The following ERC2 variants were observed in gnomAD, a reference collection of about 807,000 sequenced individuals.
The protein encoded by ERC2 is ELKS/RAB6-interacting/CAST family member 2, also known as ERC protein 2.
Under a neutral mutation model 114.8 loss-of-function variants are expected in ERC2, and 42 were observed. That is an observed-to-expected ratio of 0.37 (90% CI 0.29 to 0.47). The LOEUF (loss-of-function observed/expected upper bound fraction) is 0.47. Among genes scored for constraint, ERC2 ranks in the 20% least tolerant of loss-of-function variants. The pLI, the probability that ERC2 is intolerant of heterozygous loss-of-function variation, is 0.99. For missense variants in ERC2, 939 were observed against 1,150.7 expected, an observed-to-expected ratio of 0.82 and a Z score of 2.66; for synonymous variants, 454 against 425.5, an observed-to-expected ratio of 1.07 and a Z score of -0.82.
intron 16 of ERC2, among the ~76,000 whole-genome samples, chr3:55,694,738 C>A (rs908396995): frequency 6.6e-6 from 1 of 152,236 alleles, no homozygotes; most frequent in East Asian, 1.9e-4. Flanking sequence ...AGAATCAGAG[C>A]GGCAAGTGCT....
intron 17 of ERC2, among the ~76,000 whole-genome samples, chr3:55,600,702 T>G (rs2058359949): frequency 6.6e-6 from 1 of 152,222 alleles, no homozygotes; most frequent in Non-Finnish European, 1.5e-5. Flanking sequence ...AGAAGAGTGC[T>G]GTTGGGGGCA....
chr3:56,381,155 G>A (rs2059734814), intron 2 of ERC2, among the ~76,000 whole-genome samples: 1 of 152,170 alleles, frequency 6.6e-6, no homozygotes, highest in Non-Finnish European at 1.5e-5. Context: ...TATTGGTCAT[G>A]AGGAAGTCTA....
chr3:56,198,677 G>A (rs1040257041), intron 3 of ERC2, among the ~76,000 whole-genome samples: 1 of 152,204 alleles, frequency 6.6e-6, no homozygotes, highest in Admixed American at 6.5e-5. Context: ...TCCAATTTTT[G>A]TACAAGTTGT....
chr3:55,662,554 C>T (rs1340509788), intron 17 of ERC2, among the ~76,000 whole-genome samples: 1 of 152,166 alleles, frequency 6.6e-6, no homozygotes, highest in African/African-American at 2.4e-5. Context: ...GACATATCTA[C>T]CAATTAATTG....
chr3:55,807,878 T>G (rs1269174127), intron 14 of ERC2, among the ~76,000 whole-genome samples: 4 of 152,166 alleles, frequency 2.6e-5, no homozygotes, highest in Non-Finnish European at 4.4e-5. Context: ...CCAATAATTA[T>G]GTACATATAA....
intron 17 of ERC2, among the ~76,000 whole-genome samples, chr3:55,587,938 G>C (rs547727774): frequency 1.3e-5 from 2 of 152,182 alleles, no homozygotes; most frequent in Non-Finnish European, 2.9e-5. Context: ...GGATGGTAAT[G>C]GTAACCAGCT....
chr3:55,970,897 T>C (rs2069108922), intron 12 of ERC2, among the ~76,000 whole-genome samples: 1 of 152,098 alleles, frequency 6.6e-6, no homozygotes, highest in Non-Finnish European at 1.5e-5. Context: ...TGAATGTCCA[T>C]AGCAATATTT....
At chr3:55,699,048 G>A (rs1047347996) in intron 16 of ERC2, among the ~76,000 whole-genome samples, 2 of 152,126 alleles carry the variant, frequency 1.3e-5, no homozygotes, top group Non-Finnish European at 2.9e-5. Flanking sequence ...TGGAAACAAA[G>A]TGCTTTCTCT....
At chr3:56,431,425 G>T (rs1576930805) in intron 2 of ERC2, among the ~76,000 whole-genome samples, 1 of 152,260 alleles carries the variant, frequency 6.6e-6, no homozygotes, top group African/African-American at 2.4e-5. Context: ...CCCTGCTGTG[G>T]CAACGTTTGA....
intron 17 of ERC2, among the ~76,000 whole-genome samples, chr3:55,638,443 G>A (rs554863702): frequency 1.1e-4 from 16 of 152,334 alleles, no homozygotes; most frequent in Admixed American, 1.3e-4. Flanking sequence ...AGCAGTCATC[G>A]TTGTGCATAG....
chr3:55,749,733 C>G (rs1008011790), intron 14 of ERC2, among the ~76,000 whole-genome samples: 1 of 152,128 alleles, frequency 6.6e-6, no homozygotes, highest in Non-Finnish European at 1.5e-5. Flanking sequence ...ATCTGGCCAC[C>G]CCAGCCAGCA....
chr3:55,644,225 C>G (rs571480080), intron 17 of ERC2, among the ~76,000 whole-genome samples: 3 of 152,242 alleles, frequency 2.0e-5, no homozygotes, highest in East Asian at 3.9e-4. Context: ...TAGTCGCACT[C>G]TCTTCAACTT....
chr3:55,799,596 C>T (rs765585304), intron 14 of ERC2, among the ~76,000 whole-genome samples: 7 of 151,672 alleles, frequency 4.6e-5, no homozygotes, highest in Non-Finnish European at 8.8e-5. Context: ...AGCTGAGTGA[C>T]AACACACAAA....
chr3:55,822,834 C>T (rs62251577), intron 14 of ERC2, among the ~76,000 whole-genome samples: 13,038 of 152,104 alleles, frequency 0.086, 861 homozygotes, highest in African/African-American at 0.18. Context: ...AGGATGGTCG[C>T]GATCTCCTGA....
chr3:55,551,165 C>T (rs1253844165), intron 17 of ERC2, among the ~76,000 whole-genome samples: 1 of 151,880 alleles, frequency 6.6e-6, no homozygotes, highest in African/African-American at 2.4e-5. Flanking sequence ...TATATATACA[C>T]ATGAATATAT....
chr3:55,674,195 C>T (rs189758137), intron 17 of ERC2, among the ~76,000 whole-genome samples: 1 of 152,114 alleles, frequency 6.6e-6, no homozygotes, highest in Non-Finnish European at 1.5e-5. Context: ...GATAACACCA[C>T]CAAAAACAGT....
chr3:56,383,520 A>G (rs1366722794), intron 2 of ERC2, among the ~76,000 whole-genome samples: 3 of 152,202 alleles, frequency 2.0e-5, no homozygotes, highest in Non-Finnish European at 4.4e-5. Context: ...TATATTCCCA[A>G]CATCTATCAC....
chr3:56,024,110 C>T lies in ERC2; in HGVS notation c.1642-5079G>A, dbSNP rs74523936. ...TTTGTATTACCCACACCTAGAGTATCAGTTAATGTTATTAGCTAAAGCAAC... is the reference window on the plus strand; with the variant it reads ...TTTGTATTACCCACACCTAGAGTATTAGTTAATGTTATTAGCTAAAGCAAC... On this transcript the variant is annotated intron_variant, in intron 7 of 17. Coordinates refer to ENST00000288221, the MANE Select transcript of ERC2 (RefSeq NM_015576.3). 9.3e-3 allele frequency among the ~76,000 whole-genome samples: 1,423 copies of T among 152,236 alleles called. 18 individuals are homozygous for T. Among genetic ancestry groups the T allele is most frequent in the African/African-American group, 0.032 (1,347 of 41,524 alleles).
intron 14 of ERC2, among the ~76,000 whole-genome samples, chr3:55,797,643 A>G (rs929374198): frequency 2.0e-5 from 3 of 152,170 alleles, no homozygotes; most frequent in Non-Finnish European, 4.4e-5. Context: ...TACATCCCCA[A>G]TGGCTTTGGA....
Sources: allele counts gnomAD v4.1 joint callset (sites outside exome capture counted in the v4.1 genomes callset), GRCh38; gene constraint gnomAD v4.1.1; transcripts MANE v1.5; gene names NCBI Gene and HGNC (gene_info 2026-07-23, HGNC 2026-07-21).